The following TMED3 variants were observed in gnomAD, a reference collection of about 807,000 sequenced individuals.
TMED3 encodes transmembrane emp24 domain-containing protein 3.
TMED3 carries 9 observed loss-of-function variants against 15.0 expected under a neutral mutation model. The ratio of observed to expected loss-of-function variants is 0.60; its 90% confidence interval spans 0.36 to 1.04. The LOEUF is 1.04. TMED3 is among the 50% of genes least tolerant of loss of function. The probability of loss-of-function intolerance (pLI) is 0.01; values close to 1 mark genes in which losing one functional copy is unlikely to be tolerated. For synonymous variants in TMED3, 117 were observed against 121.4 expected (o/e 0.96, Z 0.24); for missense variants, 267 against 278.9 (o/e 0.96, Z 0.30).
intron 1 of TMED3, among the ~76,000 whole-genome samples, chr15:79,312,774 TCTC>T (rs757738449): frequency 3.3e-5 from 5 of 152,176 alleles, no homozygotes; most frequent in Non-Finnish European, 5.9e-5. Flanking sequence ...ATATTTTTCT[TCTC>T]CTTGCATTCA....
chr15:79,407,774 C>G (rs1893920441), intron 2 of TMED3, among the ~76,000 whole-genome samples: 1 of 152,152 alleles, frequency 6.6e-6, no homozygotes, highest in Admixed American at 6.5e-5. Flanking sequence ...TTACCTGACC[C>G]CTGACAGGAA....
At chr15:79,387,222 T>C (rs901930886) in intron 2 of TMED3, among the ~76,000 whole-genome samples, 2 of 152,240 alleles carry the variant, frequency 1.3e-5, no homozygotes, top group African/African-American at 2.4e-5. Context: ...GGATTGTTTT[T>C]AGTGTTTTAG....
chr15:79,384,596 C>A (rs989937657), intron 2 of TMED3: 1 of 152,226 alleles, frequency 6.6e-6, no homozygotes, highest in African/African-American at 2.4e-5. Flanking sequence ...AAAAAGTTCC[C>A]CTCTTGTCTA....
intron 2 of TMED3, among the ~76,000 whole-genome samples, chr15:79,374,698 C>T (rs928919205): frequency 1.3e-5 from 2 of 152,182 alleles, no homozygotes; most frequent in Non-Finnish European, 2.9e-5. Context: ...TTAACAAGGA[C>T]TTGGGGGGTT....
chr15:79,408,888 T>A (rs1359897760), intron 2 of TMED3, among the ~76,000 whole-genome samples: 2 of 152,200 alleles, frequency 1.3e-5, no homozygotes, highest in African/African-American at 4.8e-5. Context: ...TTCTCTGTAT[T>A]CACATTTTTA....
intron 2 of TMED3, among the ~76,000 whole-genome samples, chr15:79,399,336 G>T (rs1893804266): frequency 6.6e-6 from 1 of 152,286 alleles, no homozygotes; most frequent in South Asian, 2.1e-4. Context: ...AACTGTCTTG[G>T]TGTGCCCAGG....
chr15:79,327,997 A>G (rs1199597790), intron 2 of TMED3, among the ~76,000 whole-genome samples: 1 of 152,228 alleles, frequency 6.6e-6, no homozygotes, highest in Admixed American at 6.5e-5. Flanking sequence ...TAAATATAAT[A>G]TAGTTATCAA....
intron 2 of TMED3, among the ~76,000 whole-genome samples, chr15:79,410,476 T>A (rs985501568): frequency 2.0e-5 from 3 of 152,020 alleles, no homozygotes; most frequent in African/African-American, 7.3e-5. Context: ...AGCACAACTA[T>A]CACAAAGGCA....
At chr15:79,410,230 G>A (rs945391450) in intron 2 of TMED3, among the ~76,000 whole-genome samples, 1 of 152,016 alleles carries the variant, frequency 6.6e-6, no homozygotes, top group Non-Finnish European at 1.5e-5. Flanking sequence ...CAGCCTCATG[G>A]TTAAATAAAC....
chr15:79,411,823 A>C, exon 3 of TMED3: 1 of 273,420 alleles, frequency 3.7e-6, no homozygotes. Flanking sequence ...ATTTGCAATA[A>C]AGCATAGCCA....
In TMED3 at chr15:79,311,163, T is replaced by A; in HGVS notation, c.-87T>A. The A allele has an allele frequency of 7.0e-7, 1 of 1,433,652 alleles. No homozygotes were observed. Among genetic ancestry groups the A allele is most frequent in the Admixed American group, 2.3e-5 (1 of 44,284 alleles). The allele number at this position is 1,433,652 out of a possible 1,614,324, so 88.8% of individuals were successfully genotyped here. ...GTGCCACGTCTATCCCCTTACATCCTCCTAGGACCCGGTCGGTAGTCGTCG... is the reference window on the plus strand; with the variant it reads ...GTGCCACGTCTATCCCCTTACATCCACCTAGGACCCGGTCGGTAGTCGTCG... On this transcript the variant is annotated 5_prime_UTR_variant, in exon 1 of 3. Transcript: ENST00000299705.
intron 2 of TMED3, among the ~76,000 whole-genome samples, chr15:79,347,498 T>G (rs1408693201): frequency 1.3e-5 from 2 of 152,114 alleles, no homozygotes; most frequent in East Asian, 3.8e-4. Flanking sequence ...CTGTCACCAC[T>G]CCTATTCAAC....
intron 2 of TMED3, among the ~76,000 whole-genome samples, chr15:79,321,265 G>A (rs891254066): frequency 6.6e-6 from 1 of 152,158 alleles, no homozygotes; most frequent in African/African-American, 2.4e-5. Context: ...ATTAGGGCGG[G>A]GGACCTTGGT....
At chr15:79,390,206 T>C (rs1005018125) in intron 2 of TMED3, among the ~76,000 whole-genome samples, 1 of 152,154 alleles carries the variant, frequency 6.6e-6, no homozygotes, top group African/African-American at 2.4e-5. Flanking sequence ...CCCTATTCAG[T>C]ATTATGTTGG....
intron 2 of TMED3, among the ~76,000 whole-genome samples, chr15:79,401,236 G>A (rs927495350): frequency 6.6e-6 from 1 of 152,224 alleles, no homozygotes; most frequent in African/African-American, 2.4e-5. Context: ...AAAGACTTAA[G>A]TGCTAGTATT....
intron 2 of TMED3, among the ~76,000 whole-genome samples, chr15:79,406,553 T>C (rs1035759956): frequency 1.3e-5 from 2 of 152,164 alleles, no homozygotes; most frequent in African/African-American, 4.8e-5. Context: ...TTCTGGGAAG[T>C]AGCCACAGAT....
At chr15:79,396,032 A>T (rs980085772) in intron 2 of TMED3, among the ~76,000 whole-genome samples, 1 of 152,216 alleles carries the variant, frequency 6.6e-6, no homozygotes, top group African/African-American at 2.4e-5. Context: ...TGAAGGAGAC[A>T]AAAGTAAATT....
intron 2 of TMED3, among the ~76,000 whole-genome samples, chr15:79,329,668 C>T (rs1026051594): frequency 3.9e-5 from 6 of 152,158 alleles, no homozygotes; most frequent in Non-Finnish European, 7.3e-5. Context: ...GCCTCAGAGC[C>T]GGAGCAGGTA....
chr15:79,410,257 T>C (rs1893956607), intron 2 of TMED3, among the ~76,000 whole-genome samples: 1 of 152,240 alleles, frequency 6.6e-6, no homozygotes, highest in Non-Finnish European at 1.5e-5. Flanking sequence ...TTAAATATTA[T>C]AGATTCATAG....
Sources: allele counts gnomAD v4.1 joint callset (sites outside exome capture counted in the v4.1 genomes callset), GRCh38; gene constraint gnomAD v4.1.1; transcripts MANE v1.5; gene names NCBI Gene and HGNC (gene_info 2026-07-23, HGNC 2026-07-21).